Variants in KLRD1 observed in about 807,000 individuals in gnomAD.
The protein encoded by KLRD1 is killer cell lectin like receptor D1, also known as natural killer cells antigen CD94.
Under a neutral mutation model 22.6 loss-of-function variants are expected in KLRD1, and 21 were observed. The observed-to-expected ratio is 0.93, with a 90% confidence interval of 0.66 to 1.34. KLRD1 has a LOEUF of 1.34. Ranked by LOEUF, KLRD1 falls within the 40% of genes most tolerant of loss-of-function variation. The probability of loss-of-function intolerance (pLI) is 0.00; values close to 1 mark genes in which losing one functional copy is unlikely to be tolerated. For synonymous variants in KLRD1, 59 were observed against 71.1 expected (o/e 0.83, Z 0.85); for missense variants, 183 against 208.6 (o/e 0.88, Z 0.76).
intron 1 of KLRD1, among the ~76,000 whole-genome samples, chr12:10,239,411 T>C (rs1349955463): frequency 1.5e-5 from 1 of 67,468 alleles, no homozygotes; most frequent in African/African-American, 5.0e-5. Flanking sequence ...TTTCCTTCCT[T>C]CCTTCTTTCC....
rs1177565741 is a variant in KLRD1, at chr12:10,317,028, GT to G, written c.*2236del. 3.3e-5 allele frequency: 5 copies of G among 151,514 alleles called. No individual in the cohort carries two copies. The East Asian group carries it at 7.8e-4, about 24-fold the overall frequency. The allele number at this position is 151,514 out of a possible 1,614,324, so 9.4% of individuals were successfully genotyped here. ...AACTCCCACTTATTAGTAAGAACAT[GT>G]GGTGTTTGGTTTTCTGTTCCTGTGT... On this transcript the variant is annotated 3_prime_UTR_variant, in exon 6 of 6. Coordinates refer to ENST00000336164, the MANE Select transcript of KLRD1 (RefSeq NM_002262.5).
rs568882783 is a variant in KLRD1, at chr12:10,284,926, A to G, written c.-100-23052A>G. On this transcript the variant is annotated intron_variant, in intron 1 of 5. Coordinates refer to the KLRD1 transcript ENST00000544747. ...AACCTGGGAGGCGGAGGTTGCGGTG[A>G]GCCCAGATCGTGCCATTGCACTCCA... 8.0e-3 allele frequency among the ~76,000 whole-genome samples: 1,225 copies of G among 152,262 alleles called. 10 individuals are homozygous for G. The highest frequency in any genetic ancestry group is 0.014 in the Non-Finnish European group (966 of 68,032).
At chr12:10,249,826 C>G (rs903741326) in intron 1 of KLRD1, among the ~76,000 whole-genome samples, 4 of 152,210 alleles carry the variant, frequency 2.6e-5, no homozygotes, top group African/African-American at 9.7e-5. Context: ...GGGACCCTTA[C>G]TCTGAGCTCT....
At chr12:10,275,724 T>C (rs1385000382) in intron 1 of KLRD1, among the ~76,000 whole-genome samples, 1 of 152,166 alleles carries the variant, frequency 6.6e-6, no homozygotes, top group African/African-American at 2.4e-5. Flanking sequence ...CGTTTGTATA[T>C]CCTCCACTCT....
In KLRD1 at chr12:10,323,295, G is replaced by A. The variant is rs1431842819; in HGVS notation, c.*8502G>A. On this transcript the variant is annotated 3_prime_UTR_variant, in exon 6 of 6. Transcript: ENST00000336164. ...ATTTATAATTTCACTGGCAGTTTAT[G>A]TGAGTGTTACTCTGTATTCTTGACA... 1 of 152,102 alleles carries A rather than the reference G, an allele frequency of 6.6e-6. No homozygotes were observed. Among genetic ancestry groups the A allele is most frequent in the African/African-American group, 2.4e-5 (1 of 41,402 alleles). 9.4% of individuals were successfully genotyped at this position (152,102 alleles called of 1,614,324 possible). A position where few individuals can be genotyped will look rare whatever the true frequency, so the allele number is the denominator to read the frequency against.
chr12:10,295,479 A>G (rs55823125), intron 1 of KLRD1, among the ~76,000 whole-genome samples: 3,929 of 147,994 alleles, frequency 0.027, 150 homozygotes, highest in East Asian at 0.15. Flanking sequence ...AGAAGTCAAT[A>G]CTTTCTTAAG....
At chr12:10,296,086 G>A (rs555717063) in intron 1 of KLRD1, among the ~76,000 whole-genome samples, 10 of 152,092 alleles carry the variant, frequency 6.6e-5, no homozygotes, top group Non-Finnish European at 8.8e-5. Context: ...CTATAAATGG[G>A]TCCATTATTT....
upstream of KLRD1, among the ~76,000 whole-genome samples, chr12:10,304,918 G>A (rs777424582): frequency 5.3e-5 from 8 of 152,130 alleles, no homozygotes; most frequent in Non-Finnish European, 1.2e-4. Flanking sequence ...CTCTCTCTCT[G>A]TTAAAAGAAT....
At chr12:10,291,673 G>A (rs973081867) in intron 1 of KLRD1, among the ~76,000 whole-genome samples, 1 of 149,534 alleles carries the variant, frequency 6.7e-6, no homozygotes, top group African/African-American at 2.5e-5. Context: ...CAAGCAGAAC[G>A]TGCAGGTTTG....
chr12:10,273,327 TTA>T (rs1949565748), intron 1 of KLRD1, among the ~76,000 whole-genome samples: 1 of 152,208 alleles, frequency 6.6e-6, no homozygotes, highest in Admixed American at 6.5e-5. Context: ...AATTCTATAA[TTA>T]TATGTGTGTT....
rs1393224911 is a variant in KLRD1 at position 10,320,251 on chromosome 12, T to C, written c.*5458T>C. 2 of 90,822 alleles carry C rather than the reference T, an allele frequency of 2.2e-5. No individual in the cohort carries two copies. Among genetic ancestry groups the C allele is most frequent in the African/African-American group, 6.3e-5 (2 of 31,942 alleles). 5.6% of individuals were successfully genotyped at this position (90,822 alleles called of 1,614,324 possible). A position where few individuals can be genotyped will look rare whatever the true frequency, so the allele number is the denominator to read the frequency against. On this transcript the variant is annotated 3_prime_UTR_variant, in exon 6 of 6. Coordinates refer to ENST00000336164, the MANE Select transcript of KLRD1 (RefSeq NM_002262.5). ...CATATTTTGGTACCAAGAATGAAGTTACTATTATAAAGAAAAAAAAAAACC... is the reference window on the plus strand; with the variant it reads ...CATATTTTGGTACCAAGAATGAAGTCACTATTATAAAGAAAAAAAAAAACC...
chr12:10,295,243 C>T (rs926024745), intron 1 of KLRD1, among the ~76,000 whole-genome samples: 12 of 151,990 alleles, frequency 7.9e-5, no homozygotes, highest in Non-Finnish European at 1.8e-4. Context: ...CTGTATTTTT[C>T]AAGTCCTATT....
At position 10,323,862 on chromosome 12, in the gene KLRD1, T is replaced by C. The variant is rs61917624; in HGVS notation, c.*9069T>C. Reference sequence around the variant, plus strand: ...AATTCCCTTTTATTTCTTATTTCTTTCCTTTTTTTTTTTTTTTGAGACTGA... The same window carrying C: ...AATTCCCTTTTATTTCTTATTTCTTCCCTTTTTTTTTTTTTTTGAGACTGA... On this transcript the variant is annotated 3_prime_UTR_variant, in exon 6 of 6. Coordinates refer to ENST00000336164, the MANE Select transcript of KLRD1 (RefSeq NM_002262.5). 1.3e-5 allele frequency: 1 copy of C among 74,300 alleles called. No individual in the cohort carries two copies. The highest frequency in any genetic ancestry group is 4.4e-5 in the African/African-American group (1 of 22,846). 4.6% of individuals were successfully genotyped at this position (74,300 alleles called of 1,614,324 possible). A position where few individuals can be genotyped will look rare whatever the true frequency, so the allele number is the denominator to read the frequency against.
intron 1 of KLRD1, among the ~76,000 whole-genome samples, chr12:10,289,595 G>T (rs1242874980): frequency 6.6e-6 from 1 of 152,100 alleles, no homozygotes; most frequent in Non-Finnish European, 1.5e-5. Flanking sequence ...ACATTATTTT[G>T]TTTCTTTCGG....
rs750673821 is a variant in KLRD1 at position 10,308,035 on chromosome 12, C to T, written c.-43C>T. 5 of 1,590,630 alleles carry T rather than the reference C, an allele frequency of 3.1e-6. No homozygotes were observed. Among genetic ancestry groups the T allele is most frequent in the Non-Finnish European group, 4.3e-6 (5 of 1,159,086 alleles). ...CAACGCTGTTCTTTCTGAAAAAGTA[C>T]ACATCGTGCCTTCTCTACTTCGCTC... On this transcript the variant is annotated 5_prime_UTR_variant, in exon 1 of 6. Transcript: ENST00000336164.
At chr12:10,308,194 GT>G in intron 1 of KLRD1, 110 bp downstream of exon 1, 2 of 918,906 alleles carry the variant, frequency 2.2e-6, no homozygotes, top group Non-Finnish European at 1.8e-6. Context: ...AACAGTGGAT[GT>G]TTTTAGGATT....
At chr12:10,279,137 C>T (rs1186586119) in intron 1 of KLRD1, among the ~76,000 whole-genome samples, 2 of 151,800 alleles carry the variant, frequency 1.3e-5, no homozygotes, top group African/African-American at 4.8e-5. Flanking sequence ...TGATCCTCAC[C>T]CTCCTTCTAC....
chr12:10,260,916 T>G (rs1369955364), intron 1 of KLRD1, among the ~76,000 whole-genome samples: 2 of 151,264 alleles, frequency 1.3e-5, no homozygotes, highest in Non-Finnish European at 2.9e-5. Flanking sequence ...CACTCCAGCC[T>G]GGGACACAGA....
At chr12:10,264,643 A>G (rs1949483322) in intron 1 of KLRD1, among the ~76,000 whole-genome samples, 1 of 151,002 alleles carries the variant, frequency 6.6e-6, no homozygotes, top group African/African-American at 2.4e-5. Context: ...TAATTCCCAC[A>G]AGCAACTTAA....
Sources: gnomAD v4.1 joint callset for allele counts (sites outside exome capture counted in the v4.1 genomes callset) on GRCh38, gnomAD v4.1.1 for gene constraint, MANE v1.5 for transcripts, NCBI Gene and HGNC (gene_info 2026-07-23, HGNC 2026-07-21) for gene names.